The following DOCK1 variants were observed in gnomAD, a reference collection of about 807,000 sequenced individuals.
DOCK1 encodes dedicator of cytokinesis 1, also known as dedicator of cytokinesis protein 1.
DOCK1 carries 138 observed loss-of-function variants against 262.7 expected under a neutral mutation model. That is an observed-to-expected ratio of 0.53 (90% confidence interval 0.46 to 0.61). The LOEUF (loss-of-function observed/expected upper bound fraction) is 0.61, where lower values mean the gene tolerates loss of function less well. DOCK1 is among the 20% of genes least tolerant of loss of function. The pLI is 0.00. For missense variants in DOCK1, 1,908 were observed against 2,370.7 expected, an observed-to-expected ratio of 0.80 and a Z score of 4.05; for synonymous variants, 866 against 867.4, an observed-to-expected ratio of 1.00 and a Z score of 0.03.
At chr10:127,349,083 C>A (rs1320747700) in intron 31 of DOCK1, among the ~76,000 whole-genome samples, 1 of 152,078 alleles carries the variant, frequency 6.6e-6, no homozygotes, top group Non-Finnish European at 1.5e-5. Context: ...TGATGTCCCA[C>A]CCCCTCTCAC....
At chr10:127,415,039 C>A in intron 43 of DOCK1, 113 bp from the exon 44 acceptor site, 1 of 949,026 alleles carries the variant, frequency 1.1e-6, no homozygotes, top group Admixed American at 2.2e-5. Context: ...AGACCCTGTC[C>A]TGCTGAAGGA....
intron 2 of DOCK1, among the ~76,000 whole-genome samples, chr10:126,971,771 CCTCA>C (rs150380686): frequency 0.059 from 8,986 of 152,052 alleles, 267 homozygotes; most frequent in Middle Eastern, 0.11. Flanking sequence ...CTTTTAATGT[CCTCA>C]CTTAGATTTG....
intron 27 of DOCK1, among the ~76,000 whole-genome samples, chr10:127,193,476 T>C (rs1289411723): frequency 2.0e-5 from 3 of 152,186 alleles, no homozygotes; most frequent in Non-Finnish European, 4.4e-5. Flanking sequence ...GCTGTGATCA[T>C]TTCTGTATCA....
chr10:127,093,239 C>CTTTTCTTTCTTTCTTTCT (rs372397425), intron 23 of DOCK1, among the ~76,000 whole-genome samples: 1 of 94,258 alleles, frequency 1.1e-5, no homozygotes, highest in African/African-American at 4.9e-5. Flanking sequence ...TTCTTTCTTT[C>CTTTTCTTTCTTTCTTTCT]TTCTTTTTTT....
rs374163181 is a variant in DOCK1 at position 127,018,850 on chromosome 10, G to C, written c.1327+15G>C. 64 of 1,610,574 alleles carry C rather than the reference G, an allele frequency of 4.0e-5. No individual in the cohort carries two copies. The African/African-American group carries it at 6.3e-4, about 16-fold the overall frequency. On this transcript the variant is annotated intron_variant, in intron 13 of 51. Coordinates refer to ENST00000623213, the MANE Select transcript of DOCK1 (RefSeq NM_001290223.2). ...AATCATGCCTGGTAAGAACTGGCTTGTTCAGGGCTTCTCAGCATGGCATGG... is the reference window on the plus strand; with the variant it reads ...AATCATGCCTGGTAAGAACTGGCTTCTTCAGGGCTTCTCAGCATGGCATGG...
At chr10:127,156,438 A>G (rs1054447184) in intron 27 of DOCK1, among the ~76,000 whole-genome samples, 1 of 152,212 alleles carries the variant, frequency 6.6e-6, no homozygotes, top group African/African-American at 2.4e-5. Flanking sequence ...AGGCACCTGA[A>G]ATGTACAAGA....
chr10:127,401,210 G>C (rs540168825), intron 38 of DOCK1, among the ~76,000 whole-genome samples: 3 of 152,136 alleles, frequency 2.0e-5, no homozygotes, highest in South Asian at 2.1e-4. Context: ...CCTCCCCTAG[G>C]AACCTTTGGG....
intron 27 of DOCK1, among the ~76,000 whole-genome samples, chr10:127,229,246 CCAAA>C (rs764833157): frequency 1.1e-4 from 17 of 152,114 alleles, no homozygotes; most frequent in Non-Finnish European, 1.9e-4. Context: ...AACCAACCAA[CCAAA>C]CAAACCTCAC....
At chr10:127,120,631 A>T (rs2049499736) in intron 25 of DOCK1, among the ~76,000 whole-genome samples, 1 of 152,220 alleles carries the variant, frequency 6.6e-6, no homozygotes, top group South Asian at 2.1e-4. Flanking sequence ...CATTGAATAT[A>T]ATTTACCTTT....
chr10:127,382,477 A>G (rs570001985), intron 37 of DOCK1, among the ~76,000 whole-genome samples: 12 of 152,192 alleles, frequency 7.9e-5, no homozygotes, highest in Non-Finnish European at 1.8e-4. Flanking sequence ...AGCTCAGCTC[A>G]GTCTGGAGGG....
chr10:127,206,055 T>C (rs957350752), intron 27 of DOCK1, among the ~76,000 whole-genome samples: 2 of 152,090 alleles, frequency 1.3e-5, no homozygotes, highest in Admixed American at 6.6e-5. Context: ...CTTAGAGGGA[T>C]TCAGTTTTCC....
chr10:127,438,939 C>A, intron 48 of DOCK1, 88 bp from the exon 49 acceptor site: 2 of 1,332,582 alleles, frequency 1.5e-6, no homozygotes, highest in Non-Finnish European at 2.0e-6. Context: ...TTGTAAATGT[C>A]TTCGATGGAT....
intron 29 of DOCK1, among the ~76,000 whole-genome samples, chr10:127,333,975 A>AT (rs2063091573): frequency 6.6e-6 from 1 of 152,194 alleles, no homozygotes; most frequent in African/African-American, 2.4e-5. Flanking sequence ...GAGTGCTTTC[A>AT]TTTGTCAGTG....
chr10:127,074,794 A>G lies in DOCK1; in HGVS notation c.2445+13018A>G, dbSNP rs147055256. Among the ~76,000 whole-genome samples, 243 of 152,284 alleles carry G rather than the reference A, an allele frequency of 1.6e-3. 1 individual carries two copies. The East Asian group carries it at 0.038, about 24-fold the overall frequency. ...CAAGTCTCGTTGATTTTTGAAAAGG[A>G]CATTTTCATATAATTCCAAGAAATA... On this transcript the variant is annotated intron_variant, in intron 23 of 51. Transcript: ENST00000623213.
Position 127,176,263 on chromosome 10 carries a change from G to T in DOCK1, c.2847+48499G>T. 3 of 1,614,154 alleles carry T rather than the reference G, an allele frequency of 1.9e-6. No homozygotes were observed. The highest frequency in any genetic ancestry group is 2.5e-6 in the Non-Finnish European group (3 of 1,180,036). Reference sequence around the variant, plus strand: ...CAGATATCCTTAAACCGCACCTGCAGGGCTTTGTTCCGTTTTTTAATCTGC... The same window carrying T: ...CAGATATCCTTAAACCGCACCTGCATGGCTTTGTTCCGTTTTTTAATCTGC... On this transcript the variant is annotated intron_variant, in intron 27 of 51. Coordinates refer to ENST00000623213, the MANE Select transcript of DOCK1 (RefSeq NM_001290223.2). This position sits in a 1 kb window ranked among gnomAD's most constrained non-coding sequence, Gnocchi z 4.4.
chr10:126,931,270 A>G (rs903433297), intron 1 of DOCK1, among the ~76,000 whole-genome samples: 8 of 152,056 alleles, frequency 5.3e-5, no homozygotes, highest in Non-Finnish European at 1.0e-4. Flanking sequence ...CAGACGGGAT[A>G]CTTTCACTTT....
intron 27 of DOCK1, among the ~76,000 whole-genome samples, chr10:127,214,069 A>C (rs2058096189): frequency 6.6e-6 from 1 of 152,134 alleles, no homozygotes; most frequent in Non-Finnish European, 1.5e-5. Context: ...GGATGGTCTC[A>C]ATCACCTGAC....
At chr10:127,384,453 G>A (rs2065992455) in intron 37 of DOCK1, among the ~76,000 whole-genome samples, 3 of 152,322 alleles carry the variant, frequency 2.0e-5, no homozygotes, top group Admixed American at 2.0e-4. Context: ...CAGAGCCCTG[G>A]GGTGCCGCTC....
chr10:127,157,436 A>G (rs1461590679), intron 27 of DOCK1, among the ~76,000 whole-genome samples: 1 of 152,278 alleles, frequency 6.6e-6, no homozygotes, highest in Admixed American at 6.5e-5. Context: ...ATGGGAAGCC[A>G]CTATAGTTTT....
Sources: allele counts gnomAD v4.1 joint callset (sites outside exome capture counted in the v4.1 genomes callset), GRCh38; gene constraint gnomAD v4.1.1; non-coding constraint Gnocchi (gnomAD v3.1); transcripts MANE v1.5; gene names NCBI Gene and HGNC (gene_info 2026-07-23, HGNC 2026-07-21).